The following KCNT2 variants were observed in gnomAD, a reference collection of about 807,000 sequenced individuals.
The protein encoded by KCNT2 is potassium channel subfamily T member 2.
KCNT2 carries 67 observed loss-of-function variants against 153.8 expected under a neutral mutation model. The ratio of observed to expected loss-of-function variants is 0.44; its 90% CI spans 0.36 to 0.53. KCNT2 has a LOEUF of 0.53. KCNT2 is among the 20% of genes least tolerant of loss of function. The pLI is 0.00. For synonymous variants in KCNT2, 500 were observed against 458.8 expected (o/e 1.09, Z -1.15); for missense variants, 975 against 1,354.8 (o/e 0.72, Z 4.40).
chr1:196,347,738 C>G (rs573997214), intron 14 of KCNT2, among the ~76,000 whole-genome samples: 1 of 152,254 alleles, frequency 6.6e-6, no homozygotes, highest in South Asian at 2.1e-4. Flanking sequence ...CTCTTATGCA[C>G]ATCAGCCATT....
intron 1 of KCNT2, among the ~76,000 whole-genome samples, chr1:196,506,359 G>A (rs1030658858): frequency 1.3e-5 from 2 of 152,092 alleles, no homozygotes; most frequent in Non-Finnish European, 1.5e-5. Context: ...TAAAATAAAC[G>A]TATAATTGGA....
chr1:196,534,188 T>C (rs747696188), intron 1 of KCNT2, among the ~76,000 whole-genome samples: 2 of 152,168 alleles, frequency 1.3e-5, no homozygotes, highest in Non-Finnish European at 2.9e-5. Flanking sequence ...TTCCCATATC[T>C]CATGGTTATC....
rs185889836 is a variant in KCNT2 at position 196,528,966 on chromosome 1, C to T, written c.96-36625G>A. Among the ~76,000 whole-genome samples, 301 of 151,940 alleles carry T rather than the reference C, an allele frequency of 2.0e-3. 1 individual carries two copies. Among genetic ancestry groups the T allele is most frequent in the African/African-American group, 6.7e-3 (275 of 41,332 alleles). On this transcript the variant is annotated intron_variant, in intron 1 of 27. Coordinates refer to ENST00000294725, the MANE Select transcript of KCNT2 (RefSeq NM_198503.5). ...ACATATTTAACTCCTGAATATGAAT[C>T]TTAAAATAAATAATGTGACTGAATA... is the stretch of plus-strand genomic sequence containing the variant.
chr1:196,577,781 T>C (rs4255328), intron 1 of KCNT2, among the ~76,000 whole-genome samples: 149,670 of 152,230 alleles, frequency 0.98, 73,619 homozygotes, highest in Middle Eastern at 1. Context: ...AAGCAAGACC[T>C]AAAAGGATCA....
intron 2 of KCNT2, among the ~76,000 whole-genome samples, chr1:196,491,331 A>C (rs1413634156): frequency 6.6e-6 from 1 of 152,036 alleles, no homozygotes; most frequent in African/African-American, 2.4e-5. Flanking sequence ...CATTAAGACT[A>C]TCTGAGCAGT....
At chr1:196,473,246 AC>A (rs1678252056) in intron 5 of KCNT2, among the ~76,000 whole-genome samples, 1 of 151,924 alleles carries the variant, frequency 6.6e-6, no homozygotes, top group South Asian at 2.1e-4. Context: ...TTCATCATAT[AC>A]CCTCTAGGCA....
rs772227873 is a variant in KCNT2, at chr1:196,595,042, T to C, written c.95+13173A>G. Reference sequence around the variant, plus strand: ...GGTTGACTGAGGCTCGAGTTAAGCATTGAAGATTATTGGAGATAGGGTGCA... The same window carrying C: ...GGTTGACTGAGGCTCGAGTTAAGCACTGAAGATTATTGGAGATAGGGTGCA... On this transcript the variant is annotated intron_variant, in intron 1 of 27. Transcript: ENST00000294725. 3.4e-4 allele frequency among the ~76,000 whole-genome samples: 52 copies of C among 152,024 alleles called. 1 individual carries two copies. Among genetic ancestry groups the C allele is most frequent in the Non-Finnish European group, 8.8e-5 (6 of 67,990 alleles).
chr1:196,599,477 T>C (rs1218068313), intron 1 of KCNT2, among the ~76,000 whole-genome samples: 2 of 152,208 alleles, frequency 1.3e-5, no homozygotes, highest in Non-Finnish European at 2.9e-5. Flanking sequence ...TTCTTACCCA[T>C]ATTTACATAC....
chr1:196,569,003 CTCA>C (rs1416401889), intron 1 of KCNT2, among the ~76,000 whole-genome samples: 2 of 152,222 alleles, frequency 1.3e-5, no homozygotes, highest in South Asian at 2.1e-4. Context: ...GCAGGAGTCA[CTCA>C]TCATTGCTGT....
At chr1:196,265,105 T>A (rs191860509) in intron 25 of KCNT2, among the ~76,000 whole-genome samples, 1 of 152,312 alleles carries the variant, frequency 6.6e-6, no homozygotes, top group African/African-American at 2.4e-5. Flanking sequence ...ATCATCAGTC[T>A]CAACAGGACT....
intron 1 of KCNT2, among the ~76,000 whole-genome samples, chr1:196,495,482 T>A (rs1680181089): frequency 6.6e-6 from 1 of 152,068 alleles, no homozygotes. Context: ...TTTCATCTCC[T>A]CCCTCCATTC....
At chr1:196,354,971 G>C (rs1021403114) in intron 14 of KCNT2, among the ~76,000 whole-genome samples, 1 of 151,716 alleles carries the variant, frequency 6.6e-6, no homozygotes, top group African/African-American at 2.4e-5. Flanking sequence ...TTTAGCCACT[G>C]TAGGTCAAAT....
intron 20 of KCNT2, among the ~76,000 whole-genome samples, chr1:196,318,271 T>C (rs2148031178): frequency 6.6e-6 from 1 of 151,866 alleles, no homozygotes; most frequent in East Asian, 1.9e-4. Flanking sequence ...TTTTAATTCA[T>C]TCAAAGAGGT....
chr1:196,552,043 C>T (rs1657975902), intron 1 of KCNT2, among the ~76,000 whole-genome samples: 1 of 151,478 alleles, frequency 6.6e-6, no homozygotes, highest in African/African-American at 2.4e-5. Context: ...TAGTGAACCT[C>T]AAACTCTTGC....
intron 20 of KCNT2, among the ~76,000 whole-genome samples, chr1:196,318,570 A>G (rs1662965597): frequency 1.3e-5 from 2 of 151,818 alleles, no homozygotes; most frequent in African/African-American, 2.4e-5. Flanking sequence ...AAAGATTTCA[A>G]AAAAGATGAT....
chr1:196,471,124 G>C (rs1249357457), intron 5 of KCNT2, among the ~76,000 whole-genome samples: 1 of 151,374 alleles, frequency 6.6e-6, no homozygotes, highest in Non-Finnish European at 1.5e-5. Context: ...AGCCAGGATG[G>C]TCCCGATCTC....
At chr1:196,541,516 G>A (rs557231196) in intron 1 of KCNT2, among the ~76,000 whole-genome samples, 52 of 151,994 alleles carry the variant, frequency 3.4e-4, no homozygotes, top group Admixed American at 9.2e-4. Flanking sequence ...TCTTATTGGC[G>A]CACAAACATA....
In KCNT2 at chr1:196,425,998, A is replaced by T. The variant is rs905365757; in HGVS notation, c.985-10T>A. ...TCACCACATAATAATCCTATTCAAA[A>T]CAAAATGGGCAATGGAATAGAAACA... On this transcript the variant is annotated splice_polypyrimidine_tract_variant and intron_variant, in intron 10 of 27. Transcript: ENST00000294725. 1.9e-6 allele frequency: 3 copies of T among 1,609,364 alleles called. No homozygotes were observed. The African/African-American group carries it at 4.0e-5, about 22-fold the overall frequency.
chr1:196,386,493 A>G (rs1669998880), intron 13 of KCNT2, among the ~76,000 whole-genome samples: 1 of 152,094 alleles, frequency 6.6e-6, no homozygotes, highest in Non-Finnish European at 1.5e-5. Flanking sequence ...CACTATTATT[A>G]TAATAATTAT....
Sources: allele counts gnomAD v4.1 joint callset (sites outside exome capture counted in the v4.1 genomes callset), GRCh38; gene constraint gnomAD v4.1.1; transcripts MANE v1.5; gene names NCBI Gene and HGNC (gene_info 2026-07-23, HGNC 2026-07-21).